The following TMEM238 variants were observed in gnomAD, a reference collection of about 807,000 sequenced individuals.
The protein encoded by TMEM238 is transmembrane protein 238.
For synonymous variants in TMEM238, 103 were observed against 111.5 expected (o/e 0.92, Z 0.48); for missense variants, 169 against 206.8 (o/e 0.82, Z 1.12).
chr19:55,382,459 G>C (rs1379964020), intron 1 of TMEM238, among the ~76,000 whole-genome samples: 4 of 152,188 alleles, frequency 2.6e-5, no homozygotes, highest in Non-Finnish European at 5.9e-5. Flanking sequence ...AGCAAGAGGG[G>C]TCGCTCAGAC....
chr19:55,379,554 C>T (rs2089876379), intron 1 of TMEM238, among the ~76,000 whole-genome samples, 187 bp from the exon 2 acceptor site: 1 of 152,138 alleles, frequency 6.6e-6, no homozygotes. Flanking sequence ...GCGTGTGTAC[C>T]TTTAACGCCC....
In TMEM238 at chr19:55,382,662, G is replaced by A. The variant is rs138730521; in HGVS notation, c.*7+1060C>T. Among the ~76,000 whole-genome samples the A allele has an allele frequency of 2.8e-3, 421 of 152,266 alleles. 6 individuals carry two copies. The highest frequency in any genetic ancestry group is 3.1e-3 in the Non-Finnish European group (208 of 68,030). On this transcript the variant is annotated intron_variant, in intron 1 of 1. Transcript: ENST00000444469. ...GCAGGAGAAATGGGGCCAAAATATG[G>A]GGGGTCCACAGGCCAGTGAGTGCTT...
intron 1 of TMEM238, among the ~76,000 whole-genome samples, chr19:55,380,267 C>T (rs1214237361): frequency 1.7e-5 from 2 of 119,480 alleles, no homozygotes; most frequent in African/African-American, 6.7e-5. Context: ...GGATTCTCCT[C>T]TCCTCCCCTC....
intron 1 of TMEM238, among the ~76,000 whole-genome samples, chr19:55,379,829 AC>A (rs1173107197): frequency 1.3e-5 from 2 of 152,038 alleles, no homozygotes; most frequent in East Asian, 3.9e-4. Flanking sequence ...CAGGAGTTTG[AC>A]ACCAGCCTGG....
intron 1 of TMEM238, among the ~76,000 whole-genome samples, chr19:55,380,010 T>C (rs1600294177): frequency 6.6e-6 from 1 of 151,676 alleles, no homozygotes; most frequent in South Asian, 2.1e-4. Flanking sequence ...CGGCTACTCA[T>C]GGTGGTCTCG....
Position 55,384,201 on chromosome 19 carries a change from G to A in TMEM238, c.59C>T (p.Ala20Val), listed in dbSNP as rs937666999. The A allele has an allele frequency of 1.5e-5, 17 of 1,166,402 alleles. No individual in the cohort carries two copies. Among genetic ancestry groups the A allele is most frequent in the Non-Finnish European group, 1.7e-5 (16 of 950,442 alleles). The allele number at this position is 1,166,402 out of a possible 1,614,324, so 72.3% of individuals were successfully genotyped here. A position where few individuals can be genotyped will look rare whatever the true frequency, so the allele number is the denominator to read the frequency against. Residue 20 changes from alanine to valine, a missense_variant, in exon 1 of 2, where the codon GCG (alanine) becomes GTG (valine). Physicochemically the swap from Ala to Val is moderately conservative, Grantham distance 64. Transcript: ENST00000444469. The surrounding 1 kb of genome is among the most constrained non-coding windows in gnomAD (Gnocchi z 5.6). ...CGCGGGTGCTGGCGCGGCCGCCGGC[G>A]CGGACGGTGCACCCGGCGGGCTCCC... ...SQGSPPGAPS[A>V]PAAAPAPAAG...
rs2123265613 is a variant in TMEM238, at chr19:55,383,962, C to T, written c.298G>A (p.Glu100Lys). The T allele has an allele frequency of 7.2e-7, 1 of 1,398,438 alleles. No individual in the cohort carries two copies. Among genetic ancestry groups the T allele is most frequent in the African/African-American group, 1.5e-5 (1 of 66,606 alleles). The allele number at this position is 1,398,438 out of a possible 1,614,324, so 86.6% of individuals were successfully genotyped here. A position where few individuals can be genotyped will look rare whatever the true frequency, so the allele number is the denominator to read the frequency against. The change falls in exon 1 of 2, where the codon GAG (glutamate) becomes AAG (lysine). Residue 100 changes from glutamate (E) to lysine (K), a missense_variant. Glu to Lys is a moderately conservative substitution (Grantham distance 56). Coordinates refer to ENST00000444469, the MANE Select transcript of TMEM238 (RefSeq NM_001190764.2). This position sits in a 1 kb window ranked among gnomAD's most constrained non-coding sequence, Gnocchi z 4.9. ...CGCAGGCCGTAGTCGCGCTCCAGCT[C>T]CTGGCGCGAGATCTCGATGTTGCCG... ...YTGNIEISRQ[E>K]LERDYGLRPS... is the part of the protein sequence containing the mutation.
At chr19:55,380,160 G>A (rs2089879130) in intron 1 of TMEM238, among the ~76,000 whole-genome samples, 1 of 151,884 alleles carries the variant, frequency 6.6e-6, no homozygotes. Context: ...TTTCCTCTAA[G>A]TGGGGCCTAC....
chr19:55,379,546 G>A (rs943416800), intron 1 of TMEM238, among the ~76,000 whole-genome samples, 179 bp from the exon 2 acceptor site: 8 of 152,168 alleles, frequency 5.3e-5, no homozygotes, highest in African/African-American at 1.7e-4. Context: ...GTGTGCATGC[G>A]TGTGTACCTT....
rs1569037641 is a variant in TMEM238 at position 55,384,056 on chromosome 19, C to T, written c.204G>A (p.Gly68=). The T allele has an allele frequency of 3.4e-5, 50 of 1,482,176 alleles. No individual in the cohort carries two copies. Among genetic ancestry groups the T allele is most frequent in the Non-Finnish European group, 4.3e-5 (48 of 1,114,310 alleles). 91.8% of individuals were successfully genotyped at this position (1,482,176 alleles called of 1,614,324 possible). The change falls in exon 1 of 2, where the codon GGG becomes GGA. Residue 68 remains glycine, a synonymous_variant. Coordinates refer to ENST00000444469, the MANE Select transcript of TMEM238 (RefSeq NM_001190764.2). This position sits in a 1 kb window ranked among gnomAD's most constrained non-coding sequence, Gnocchi z 5.6. ...GCGCGCCCGAGTAGATGAGCAGGTC[C>T]CCGAAGTCGCGGCCGCGCACCTGCA... ...AQLQVRGRDF[G]DLLIYSGALL...
chr19:55,379,899 G>A (rs1393576649), intron 1 of TMEM238, among the ~76,000 whole-genome samples: 2 of 152,034 alleles, frequency 1.3e-5, no homozygotes, highest in African/African-American at 4.8e-5. Flanking sequence ...GGAGGCTGAG[G>A]TGGGAGGATT....
At chr19:55,381,468 G>T (rs373150722) in intron 1 of TMEM238, among the ~76,000 whole-genome samples, 2 of 145,704 alleles carry the variant, frequency 1.4e-5, no homozygotes, top group Non-Finnish European at 3.0e-5. Flanking sequence ...TACATAGAAC[G>T]TCCTAGGATA....
rs2123265731 is a variant in TMEM238, at chr19:55,384,014, G to C, written c.246C>G (p.Ser82Arg). Residue 82 changes from serine to arginine, a missense_variant, in exon 1 of 2, where the codon AGC (serine) becomes AGG (arginine). By Grantham distance (110) the Ser-to-Arg change is moderately radical. Coordinates refer to ENST00000444469, the MANE Select transcript of TMEM238 (RefSeq NM_001190764.2). This position sits in a 1 kb window ranked among gnomAD's most constrained non-coding sequence, Gnocchi z 5.6. ...TGTACCAGAGGATCCAGCCCAGCAG[G>C]CTCAGGAACACCAGCAGCGCGCCCG... Reference protein sequence around the residue: ...IYSGALLVFLSLLGWILWYTG... With the variant: ...IYSGALLVFLRLLGWILWYTG... 6.8e-7 allele frequency: 1 copy of C among 1,477,594 alleles called. No individual in the cohort carries two copies. Among genetic ancestry groups the C allele is most frequent in the East Asian group, 2.7e-5 (1 of 36,966 alleles). The allele number at this position is 1,477,594 out of a possible 1,614,324, so 91.5% of individuals were successfully genotyped here. A position where few individuals can be genotyped will look rare whatever the true frequency, so the allele number is the denominator to read the frequency against.
chr19:55,380,851 C>T (rs1194838572), intron 1 of TMEM238, among the ~76,000 whole-genome samples: 3 of 152,062 alleles, frequency 2.0e-5, no homozygotes, highest in Non-Finnish European at 2.9e-5. Context: ...AAGCAATTCT[C>T]CCACCTCGGC....
chr19:55,383,899 G>T lies in TMEM238; in HGVS notation c.361C>A (p.Arg121Ser), dbSNP rs1327966117. ...ALARLARKLS[R>S]RWSAPAAAGQ... ...GCGGCGGCGGGCGCCGACCAGCGGC[G>T]GGAGAGCTTGCGCGCCAGGCGGGCG... The change falls in exon 1 of 2, where the codon CGC (arginine) becomes AGC (serine). Residue 121 changes from arginine (R) to serine (S), a missense_variant. Physicochemically the swap from Arg to Ser is moderately radical, Grantham distance 110. Transcript: ENST00000444469. The surrounding 1 kb of genome is among the most constrained non-coding windows in gnomAD (Gnocchi z 4.9). 2 of 1,144,276 alleles carry T rather than the reference G, an allele frequency of 1.7e-6. No individual in the cohort carries two copies. The highest frequency in any genetic ancestry group is 2.2e-6 in the Non-Finnish European group (2 of 925,250). The allele number at this position is 1,144,276 out of a possible 1,614,324, so 70.9% of individuals were successfully genotyped here.
Position 55,384,016 on chromosome 19 carries a change from T to C in TMEM238, c.244A>G (p.Ser82Gly). Residue 82 changes from serine to glycine, a missense_variant, in exon 1 of 2, where the codon AGC (serine) becomes GGC (glycine). Transcript: ENST00000444469. This position sits in a 1 kb window ranked among gnomAD's most constrained non-coding sequence, Gnocchi z 5.6. Reference sequence around the variant, plus strand: ...TACCAGAGGATCCAGCCCAGCAGGCTCAGGAACACCAGCAGCGCGCCCGAG... The same window carrying C: ...TACCAGAGGATCCAGCCCAGCAGGCCCAGGAACACCAGCAGCGCGCCCGAG... ...IYSGALLVFLSLLGWILWYTG... is the reference protein window; with the variant it reads ...IYSGALLVFLGLLGWILWYTG... 1 of 1,477,728 alleles carries C rather than the reference T, an allele frequency of 6.8e-7. No individual in the cohort carries two copies. Among genetic ancestry groups the C allele is most frequent in the Non-Finnish European group, 9.0e-7 (1 of 1,112,132 alleles). The allele number at this position is 1,477,728 out of a possible 1,614,324, so 91.5% of individuals were successfully genotyped here. A position where few individuals can be genotyped will look rare whatever the true frequency, so the allele number is the denominator to read the frequency against.
At chr19:55,379,781 C>T (rs949252511) in intron 1 of TMEM238, among the ~76,000 whole-genome samples, 1 of 152,056 alleles carries the variant, frequency 6.6e-6, no homozygotes, top group East Asian at 1.9e-4. Flanking sequence ...GACCCTCACC[C>T]CAGCATTTTG....
At chr19:55,379,906 G>C (rs2089878250) in intron 1 of TMEM238, among the ~76,000 whole-genome samples, 1 of 151,924 alleles carries the variant, frequency 6.6e-6, no homozygotes, top group Non-Finnish European at 1.5e-5. Flanking sequence ...GAGGTGGGAG[G>C]ATTGCTTGAG....
At chr19:55,380,288 C>T (rs1182668419) in intron 1 of TMEM238, among the ~76,000 whole-genome samples, 2 of 61,990 alleles carry the variant, frequency 3.2e-5, no homozygotes, top group Admixed American at 1.4e-4. Flanking sequence ...CCCTCCCCTC[C>T]CCCCTTCCCC....
Sources: gnomAD v4.1 joint callset for allele counts (sites outside exome capture counted in the v4.1 genomes callset) on GRCh38, gnomAD v4.1.1 for gene constraint, Gnocchi (gnomAD v3.1) non-coding constraint, MANE v1.5 for transcripts, NCBI Gene and HGNC (gene_info 2026-07-23, HGNC 2026-07-21) for gene names.